The following SETBP1 variants were observed in gnomAD, a reference collection of about 807,000 sequenced individuals.
SETBP1 encodes SET-binding protein.
SETBP1 carries 9 observed loss-of-function variants against 101.0 expected under a neutral mutation model. The observed-to-expected ratio is 0.09, with a 90% CI of 0.05 to 0.16. The LOEUF is 0.16. SETBP1 is among the 10% of genes least tolerant of loss of function. The pLI, the probability that SETBP1 is intolerant of heterozygous loss-of-function variation, is 1.00. For synonymous variants in SETBP1, 818 were observed against 788.5 expected (o/e 1.04, Z -0.63); for missense variants, 1,858 against 2,033.8 (o/e 0.91, Z 1.66).
chr18:45,028,470 T>C (rs1027156648), intron 4 of SETBP1, among the ~76,000 whole-genome samples: 45 of 152,238 alleles, frequency 3.0e-4, no homozygotes, highest in African/African-American at 1.0e-3. Context: ...GCAATAAACA[T>C]ATGTGTGCAT....
intron 5 of SETBP1, among the ~76,000 whole-genome samples, chr18:45,042,933 AAGG>A (rs2145513317): frequency 6.6e-6 from 1 of 152,332 alleles, no homozygotes; most frequent in African/African-American, 2.4e-5. Context: ...TGGTGCAGCC[AAGG>A]AGGTCTGATT....
intron 2 of SETBP1, among the ~76,000 whole-genome samples, chr18:44,806,905 C>T (rs1452081649): frequency 6.6e-6 from 1 of 151,856 alleles, no homozygotes; most frequent in Non-Finnish European, 1.5e-5. Flanking sequence ...GCCACCTAGC[C>T]ATTGCTTTCT....
At position 44,953,170 on chromosome 18, in the gene SETBP1, A is replaced by C; in HGVS notation, c.3830A>C (p.Asn1277Thr). 1 of 1,614,152 alleles carries C rather than the reference A, an allele frequency of 6.2e-7. No individual in the cohort carries two copies. Among genetic ancestry groups the C allele is most frequent in the African/African-American group, 1.3e-5 (1 of 75,032 alleles). ...GGDGGSTRSE[N>T]LDVFSEMNPS... ...GATGGTGGCAGCACGAGATCAGAGA[A>C]CCTGGACGTGTTCAGTGAAATGAAC... Residue 1277 changes from asparagine to threonine, a missense_variant, in exon 4 of 6, where the codon AAC becomes ACC. Physicochemically the swap from Asn to Thr is moderately conservative, Grantham distance 65. Around this residue, in one of 12 missense-constraint regions of SETBP1, gnomAD observed 417 missense variants for 389.1 expected, o/e 1.07. Coordinates refer to ENST00000649279, the MANE Select transcript of SETBP1 (RefSeq NM_015559.3).
rs961087140 is a variant in SETBP1, at chr18:44,795,075, G to C, written c.487-74155G>C. Reference sequence around the variant, plus strand: ...TTGATAAAGTGCTGCTTCTACCTAAGTGCAATAAATCTAGTATAAAATAGC... The same window carrying C: ...TTGATAAAGTGCTGCTTCTACCTAACTGCAATAAATCTAGTATAAAATAGC... On this transcript the variant is annotated intron_variant, in intron 2 of 5. Transcript: ENST00000649279. Among the ~76,000 whole-genome samples, 6 of 152,272 alleles carry C rather than the reference G, an allele frequency of 3.9e-5. No individual in the cohort carries two copies. In the East Asian group the frequency reaches 1.2e-3, roughly 29 times the overall value.
At chr18:44,742,345 G>A (rs1023515278) in intron 2 of SETBP1, among the ~76,000 whole-genome samples, 1 of 152,184 alleles carries the variant, frequency 6.6e-6, no homozygotes, top group Admixed American at 6.5e-5. Context: ...GACCATCTCA[G>A]TCTGAGGTCT....
At chr18:44,859,938 C>T (rs573645810) in intron 2 of SETBP1, among the ~76,000 whole-genome samples, 1 of 152,342 alleles carries the variant, frequency 6.6e-6, no homozygotes, top group South Asian at 2.1e-4. Flanking sequence ...CCCAGATTCT[C>T]TGCCAAATTG....
intron 3 of SETBP1, among the ~76,000 whole-genome samples, chr18:44,892,227 G>A (rs2069788007): frequency 6.6e-6 from 1 of 152,118 alleles, no homozygotes; most frequent in African/African-American, 2.4e-5. Flanking sequence ...AAATTCCACT[G>A]GCTCTCCACT....
chr18:44,919,718 T>A (rs1051733602), intron 3 of SETBP1, among the ~76,000 whole-genome samples: 3 of 151,216 alleles, frequency 2.0e-5, no homozygotes, highest in Admixed American at 1.3e-4. Flanking sequence ...GCCATTTGAT[T>A]AATATATATT....
At chr18:45,014,775 C>A (rs1599449518) in intron 4 of SETBP1, among the ~76,000 whole-genome samples, 1 of 151,990 alleles carries the variant, frequency 6.6e-6, no homozygotes, top group South Asian at 2.1e-4. Flanking sequence ...GTTTCCTCCT[C>A]CATAAAATGA....
chr18:44,978,949 T>C (rs2072051861), intron 4 of SETBP1, among the ~76,000 whole-genome samples: 1 of 152,236 alleles, frequency 6.6e-6, no homozygotes, highest in South Asian at 2.1e-4. Context: ...AAGAATTGAA[T>C]AAATTGTCTA....
rs377615601 is a variant in SETBP1, at chr18:44,950,030, C to T, written c.690C>T (p.Pro230=). The part of the protein sequence containing the change: ...MDWSTNSDSG[P]VTQNCFISPE... ...GGTCCACCAACTCTGACAGCGGACC[C>T]GTCACTCAGAATTGCTTCATCAGTC... Residue 230 remains proline (P), a synonymous_variant, in exon 4 of 6, where the codon CCC becomes CCT. Coordinates refer to ENST00000649279, the MANE Select transcript of SETBP1 (RefSeq NM_015559.3). 19 of 1,614,060 alleles carry T rather than the reference C, an allele frequency of 1.2e-5. No individual in the cohort carries two copies. In the South Asian group the frequency reaches 1.2e-4, roughly 10 times the overall value.
intron 4 of SETBP1, among the ~76,000 whole-genome samples, chr18:44,972,312 T>G (rs1196633849): frequency 1.3e-5 from 2 of 152,196 alleles, no homozygotes; most frequent in Non-Finnish European, 1.5e-5. Context: ...GGTAGTGTGA[T>G]GCCTCCAGCT....
chr18:44,800,853 C>A (rs62090590), intron 2 of SETBP1, among the ~76,000 whole-genome samples: 1 of 152,000 alleles, frequency 6.6e-6, no homozygotes, highest in South Asian at 2.1e-4. Context: ...CGGCACTATT[C>A]GCCAATAGCA....
At chr18:44,822,167 G>A (rs1053613091) in intron 2 of SETBP1, among the ~76,000 whole-genome samples, 4 of 152,180 alleles carry the variant, frequency 2.6e-5, no homozygotes, top group African/African-American at 9.7e-5. Context: ...CGAATTCCAT[G>A]TCTGATTTAG....
At chr18:44,882,872 G>C (rs2069562783) in intron 3 of SETBP1, among the ~76,000 whole-genome samples, 1 of 152,196 alleles carries the variant, frequency 6.6e-6, no homozygotes, top group Non-Finnish European at 1.5e-5. Context: ...ACTTCAGCCA[G>C]TGCATTTGGT....
At position 44,971,201 on chromosome 18, in the gene SETBP1, G is replaced by A. The variant is rs571973365; in HGVS notation, c.4000+17861G>A. Among the ~76,000 whole-genome samples the A allele has an allele frequency of 3.6e-3, 547 of 152,216 alleles. 1 individual carries two copies. The highest frequency in any genetic ancestry group is 0.012 in the African/African-American group (485 of 41,526). On this transcript the variant is annotated intron_variant, in intron 4 of 5. Transcript: ENST00000649279. ...TCATCCATGTCCCTACAAAGGACAC[G>A]AACTCATCATTTTTTATGGCTGCAT... is the stretch of plus-strand genomic sequence containing the variant.
At chr18:44,687,961 G>A (rs563945475) in intron 1 of SETBP1, among the ~76,000 whole-genome samples, 55 of 152,256 alleles carry the variant, frequency 3.6e-4, no homozygotes, top group African/African-American at 1.3e-3. Flanking sequence ...ATCAGATACG[G>A]TGACCCACAG....
intron 2 of SETBP1, among the ~76,000 whole-genome samples, chr18:44,813,817 C>T (rs1222930534): frequency 6.6e-6 from 1 of 152,174 alleles, no homozygotes; most frequent in African/African-American, 2.4e-5. Flanking sequence ...GGAATGCTCA[C>T]ACACTAATGG....
intron 2 of SETBP1, among the ~76,000 whole-genome samples, chr18:44,803,349 C>G (rs1014514659): frequency 1.3e-5 from 2 of 152,166 alleles, no homozygotes; most frequent in Non-Finnish European, 2.9e-5. Flanking sequence ...CTTCAGGACT[C>G]TGCAGCAGCT....
Sources: gnomAD v4.1 joint callset for allele counts (sites outside exome capture counted in the v4.1 genomes callset) on GRCh38, gnomAD v4.1.1 for gene constraint, gnomAD v4.1.1 regional missense constraint, MANE v1.5 for transcripts, NCBI Gene and HGNC (gene_info 2026-07-23, HGNC 2026-07-21) for gene names.